The following NRF1 variants were observed in gnomAD, a reference collection of about 807,000 sequenced individuals.
NRF1 encodes the protein nuclear respiratory factor 1.
NRF1 carries 5 observed loss-of-function variants against 58.5 expected under a neutral mutation model. That is an observed-to-expected ratio of 0.09 (90% CI 0.04 to 0.18). NRF1 has a LOEUF of 0.18. Among genes scored for constraint, NRF1 ranks in the 10% least tolerant of loss-of-function variants. The pLI is 1.00. For synonymous variants in NRF1, 224 were observed against 246.7 expected (o/e 0.91, Z 0.86); for missense variants, 288 against 657.7 (o/e 0.44, Z 6.15).
At chr7:129,727,119 T>C in intron 9 of NRF1, 122 bp from the exon 10 acceptor site, 1 of 959,494 alleles carries the variant, frequency 1.0e-6, no homozygotes, top group Non-Finnish European at 1.4e-6. Context: ...ACATATTTGC[T>C]GGTAGGATCA....
At chr7:129,630,403 C>T (rs1168908514) in intron 1 of NRF1, among the ~76,000 whole-genome samples, 7 of 152,126 alleles carry the variant, frequency 4.6e-5, no homozygotes, top group Non-Finnish European at 4.4e-5. Flanking sequence ...GTAATGGTCT[C>T]TTAGAGAGAG....
chr7:129,710,363 T>C lies in NRF1; in HGVS notation c.766-11T>C. ...GTGGCTTAATGTGCTTTTCCGGTCA[T>C]TTGGTGACAGGTTTCATGGACCCAG... On this transcript the variant is annotated splice_polypyrimidine_tract_variant and intron_variant, in intron 6 of 10. Coordinates refer to ENST00000393232, the MANE Select transcript of NRF1 (RefSeq NM_005011.5). 11 of 1,613,912 alleles carry C rather than the reference T, an allele frequency of 6.8e-6. No individual in the cohort carries two copies. Among genetic ancestry groups the C allele is most frequent in the Non-Finnish European group, 9.3e-6 (11 of 1,179,784 alleles).
At chr7:129,677,098 C>T (rs1242981509) in intron 3 of NRF1, among the ~76,000 whole-genome samples, 4 of 150,326 alleles carry the variant, frequency 2.7e-5, no homozygotes, top group Admixed American at 1.3e-4. Context: ...GCAACCTCCA[C>T]CTCCTGGATT....
At chr7:129,663,854 C>G (rs1427706558) in intron 2 of NRF1, among the ~76,000 whole-genome samples, 1 of 152,170 alleles carries the variant, frequency 6.6e-6, no homozygotes, top group Non-Finnish European at 1.5e-5. Context: ...ATTGAGTGAG[C>G]GAGACTCCGT....
intron 1 of NRF1, among the ~76,000 whole-genome samples, chr7:129,623,578 T>C (rs1390588491): frequency 6.6e-6 from 1 of 152,238 alleles, no homozygotes; most frequent in Non-Finnish European, 1.5e-5. Context: ...GAATCCTATT[T>C]AGAGCTAGTA....
chr7:129,634,044 ATAT>A (rs1562954918), intron 1 of NRF1, among the ~76,000 whole-genome samples: 6 of 53,722 alleles, frequency 1.1e-4, no homozygotes, highest in South Asian at 6.2e-4. Flanking sequence ...AAAAAAAAAG[ATAT>A]ATATATATAT....
chr7:129,740,935 T>C (rs773189397), intron 10 of NRF1, among the ~76,000 whole-genome samples: 1 of 152,208 alleles, frequency 6.6e-6, no homozygotes, highest in Non-Finnish European at 1.5e-5. Flanking sequence ...TTATTCTTAG[T>C]GCTCATCTAA....
In NRF1 at chr7:129,717,264, C is replaced by G; in HGVS notation, c.1111C>G (p.Gln371Glu). Residue 371 changes from glutamine (Q) to glutamate (E), a missense_variant, in exon 9 of 11, where the codon CAG becomes GAG. By Grantham distance (29) the Gln-to-Glu change is conservative (BLOSUM62 2). This residue lies in a region of NRF1 where 212 missense variants were observed against 559.7 expected (regional missense o/e 0.38). Coordinates refer to ENST00000393232, the MANE Select transcript of NRF1 (RefSeq NM_005011.5). ...ATLQGGEMTI[Q>E]TTQASEATQA... is the part of the protein sequence containing the mutation. Reference sequence around the variant, plus strand: ...GTTACAGGGAGGTGAGATGACCATCCAGACGACGCAAGCATCAGAGGCCAC... The same window carrying G: ...GTTACAGGGAGGTGAGATGACCATCGAGACGACGCAAGCATCAGAGGCCAC... The G allele has an allele frequency of 6.2e-7, 1 of 1,613,810 alleles. No homozygotes were observed. Among genetic ancestry groups the G allele is most frequent in the Non-Finnish European group, 8.5e-7 (1 of 1,179,886 alleles).
intron 4 of NRF1, among the ~76,000 whole-genome samples, chr7:129,687,276 C>CA (rs1554409266): frequency 1.5e-5 from 2 of 137,780 alleles, no homozygotes; most frequent in African/African-American, 5.3e-5. Flanking sequence ...GATGCAAGTC[C>CA]TTTTTTTTTT....
chr7:129,649,311 C>A (rs999312427), intron 1 of NRF1, among the ~76,000 whole-genome samples: 1 of 152,166 alleles, frequency 6.6e-6, no homozygotes, highest in Non-Finnish European at 1.5e-5. Context: ...AGGTTCCCCC[C>A]ACCCCACCCC....
chr7:129,641,369 CCAT>C (rs1359375540), intron 1 of NRF1, among the ~76,000 whole-genome samples: 1 of 152,066 alleles, frequency 6.6e-6, no homozygotes, highest in East Asian at 1.9e-4. Flanking sequence ...TCTTAACTTG[CCAT>C]TTTGGAAAAT....
intron 1 of NRF1, among the ~76,000 whole-genome samples, chr7:129,636,965 G>T (rs1294069621): frequency 6.6e-6 from 1 of 152,090 alleles, no homozygotes; most frequent in East Asian, 1.9e-4. Flanking sequence ...AAGCTTGCAG[G>T]CCCCAGTTAC....
At chr7:129,656,875 A>G (rs1320566710) in intron 1 of NRF1, among the ~76,000 whole-genome samples, 2 of 152,162 alleles carry the variant, frequency 1.3e-5, no homozygotes, top group Admixed American at 1.3e-4. Flanking sequence ...CCATGCCCTC[A>G]AGAAGCAGTT....
At chr7:129,625,885 T>C (rs896238639) in intron 1 of NRF1, among the ~76,000 whole-genome samples, 5 of 152,114 alleles carry the variant, frequency 3.3e-5, no homozygotes, top group East Asian at 1.9e-4. Flanking sequence ...GGTTTCACCA[T>C]GTTAGCCAGG....
At chr7:129,723,307 G>A (rs1803374399) in intron 9 of NRF1, among the ~76,000 whole-genome samples, 1 of 152,076 alleles carries the variant, frequency 6.6e-6, no homozygotes. Flanking sequence ...GCCGGGCATG[G>A]TGGCGGGTGC....
intron 4 of NRF1, among the ~76,000 whole-genome samples, chr7:129,678,086 A>G (rs943901836): frequency 1.3e-5 from 2 of 152,204 alleles, no homozygotes; most frequent in Non-Finnish European, 2.9e-5. Flanking sequence ...TCAGAAACAA[A>G]ATAATAGATA....
At chr7:129,700,827 G>C (rs530914891) in intron 5 of NRF1, among the ~76,000 whole-genome samples, 20 of 152,222 alleles carry the variant, frequency 1.3e-4, no homozygotes, top group African/African-American at 4.8e-4. Flanking sequence ...GAGGTGGTAG[G>C]ATCACTTGAG....
At chr7:129,615,912 ATTGGAAACT>A (rs2045952891) in intron 1 of NRF1, among the ~76,000 whole-genome samples, 1 of 152,156 alleles carries the variant, frequency 6.6e-6, no homozygotes, top group Non-Finnish European at 1.5e-5. Context: ...ATATTGAGCT[ATTGGAAACT>A]TTTAATCCTC....
chr7:129,632,077 C>G (rs997989099), intron 1 of NRF1, among the ~76,000 whole-genome samples: 3 of 152,070 alleles, frequency 2.0e-5, no homozygotes, highest in Non-Finnish European at 2.9e-5. Flanking sequence ...TAGTTCGAGA[C>G]CAGACTGGGC....
Sources: gnomAD v4.1 joint callset for allele counts (sites outside exome capture counted in the v4.1 genomes callset) on GRCh38, gnomAD v4.1.1 for gene constraint, gnomAD v4.1.1 regional missense constraint, MANE v1.5 for transcripts, NCBI Gene and HGNC (gene_info 2026-07-23, HGNC 2026-07-21) for gene names.